The following DHRS12 variants were observed in gnomAD, a reference collection of about 807,000 sequenced individuals.
The protein encoded by DHRS12 is dehydrogenase/reductase 12, also known as dehydrogenase/reductase SDR family member 12.
In DHRS12, 29 loss-of-function variants were observed where a neutral mutation model predicts 32.1. The observed-to-expected ratio is 0.90, with a 90% CI of 0.67 to 1.23. DHRS12 has a LOEUF of 1.23. DHRS12 is among the 50% of genes most tolerant of loss of function. The pLI, the probability that DHRS12 is intolerant of heterozygous loss-of-function variation, is 0.00. For missense variants in DHRS12, 330 were observed against 337.2 expected (o/e 0.98, Z 0.17); for synonymous variants, 150 against 135.9 (o/e 1.10, Z -0.72).
rs1157206392 is a variant in DHRS12 at position 51,782,229 on chromosome 13, G to C, written c.302-5108C>G. Among the ~76,000 whole-genome samples, 1 of 152,126 alleles carries C rather than the reference G, an allele frequency of 6.6e-6. No homozygotes were observed. Among genetic ancestry groups the C allele is most frequent in the Non-Finnish European group, 1.5e-5 (1 of 68,034 alleles). ...CAGAAGAGAGATCTGGGCTGGAAGG[G>C]GGCCCTTGGGAGCCAGGCACATGAT... On this transcript the variant is annotated intron_variant, in intron 4 of 8. Transcript: ENST00000444610. The surrounding 1 kb of genome is among the most constrained non-coding windows in gnomAD (Gnocchi z 4.2).
intron 1 of DHRS12, among the ~76,000 whole-genome samples, chr13:51,800,206 G>C (rs535039173): frequency 1.3e-5 from 2 of 152,222 alleles, no homozygotes; most frequent in Non-Finnish European, 2.9e-5. Context: ...CACAGCTCTA[G>C]GGAGTGCCAT....
intron 4 of DHRS12, chr13:51,789,539 G>A (rs1312456577): frequency 2.0e-6 from 2 of 985,306 alleles, no homozygotes; most frequent in Non-Finnish European, 2.4e-6. Context: ...CCCACTTGGA[G>A]AGCCACTGGC....
At chr13:51,803,739 G>A (rs1019114201) in intron 1 of DHRS12, 5 of 249,530 alleles carry the variant, frequency 2.0e-5, no homozygotes, top group Admixed American at 1.1e-4. Flanking sequence ...GCGGGGCGCC[G>A]AGGTGCCGCC....
chr13:51,781,732 G>A (rs1269182797), intron 4 of DHRS12, among the ~76,000 whole-genome samples: 1 of 152,204 alleles, frequency 6.6e-6, no homozygotes, highest in African/African-American at 2.4e-5. Flanking sequence ...CTGCAACCGA[G>A]TGAGCATGGT....
intron 1 of DHRS12, 155 bp downstream of exon 1, chr13:51,803,899 G>A (rs1427074147): frequency 8.0e-6 from 5 of 625,656 alleles, no homozygotes; most frequent in Non-Finnish European, 1.1e-5. Flanking sequence ...GCCGTGGGTC[G>A]CTAGACGGCG....
intron 5 of DHRS12, chr13:51,775,959 ATTCTACAGTATTCT>A (rs1827630240): frequency 1.8e-5 from 2 of 108,616 alleles, no homozygotes; most frequent in African/African-American, 9.3e-5. Flanking sequence ...TCCTACATGT[ATTCTACAGTATTCT>A]CCTACAGTAT....
intron 4 of DHRS12, among the ~76,000 whole-genome samples, chr13:51,789,305 A>C (rs1955150409): frequency 6.6e-6 from 1 of 152,152 alleles, no homozygotes; most frequent in Non-Finnish European, 1.5e-5. Context: ...TCAAAGTTGA[A>C]AGGCCCCTTG....
the DHRS12 span, among the ~76,000 whole-genome samples, chr13:51,758,790 A>C: frequency 6.6e-6 from 1 of 152,132 alleles, no homozygotes; most frequent in Admixed American, 6.5e-5. Flanking sequence ...ACTGAGCTCT[A>C]CCTCCCTGAC....
intron 2 of DHRS12, among the ~76,000 whole-genome samples, chr13:51,795,796 C>A (rs1456426813): frequency 6.6e-6 from 1 of 152,170 alleles, no homozygotes; most frequent in Non-Finnish European, 1.5e-5. Flanking sequence ...CTAGTAACTG[C>A]CATTGGCCAA....
At chr13:51,788,846 C>G (rs1359905449) in intron 4 of DHRS12, among the ~76,000 whole-genome samples, 1 of 151,642 alleles carries the variant, frequency 6.6e-6, no homozygotes, top group Non-Finnish European at 1.5e-5. Context: ...GGCAACAGAA[C>G]AAGATCCTGT....
At chr13:51,793,305 C>T (rs1332421210) in intron 2 of DHRS12, among the ~76,000 whole-genome samples, 5 of 152,174 alleles carry the variant, frequency 3.3e-5, no homozygotes, top group Admixed American at 6.5e-5. Flanking sequence ...TTATCACTAA[C>T]CCAAGGCAGA....
intron 4 of DHRS12, chr13:51,789,643 T>G: frequency 1.0e-6 from 1 of 985,454 alleles, no homozygotes; most frequent in Non-Finnish European, 1.2e-6. Flanking sequence ...TCCATCTTCT[T>G]GCCCACTGGT....
At chr13:51,758,001 C>T in the DHRS12 span, among the ~76,000 whole-genome samples, 2 of 150,740 alleles carry the variant, frequency 1.3e-5, no homozygotes, top group African/African-American at 4.9e-5. Flanking sequence ...ATTTTAAAGA[C>T]TATAAGATTT....
intron 8 of DHRS12, 99 bp downstream of exon 8, chr13:51,769,057 T>G (rs1210691288): frequency 1.3e-6 from 2 of 1,530,960 alleles, no homozygotes; most frequent in Non-Finnish European, 1.8e-6. Context: ...CAGGGGACAG[T>G]CCCACCCCAG....
intron 4 of DHRS12, among the ~76,000 whole-genome samples, chr13:51,780,703 A>G (rs560677546): frequency 6.6e-6 from 1 of 152,252 alleles, no homozygotes; most frequent in African/African-American, 2.4e-5. Context: ...GAGAGGTAAA[A>G]CTGTGTGGAG....
chr13:51,779,187 A>T (rs1033345687), intron 4 of DHRS12, among the ~76,000 whole-genome samples: 4 of 152,146 alleles, frequency 2.6e-5, no homozygotes, highest in Non-Finnish European at 4.4e-5. Flanking sequence ...ACACAGATCC[A>T]AACAGGCCTG....
chr13:51,773,943 T>G lies in DHRS12; in HGVS notation c.455A>C (p.Tyr152Ser). The G allele has an allele frequency of 6.2e-7, 1 of 1,614,020 alleles. No individual in the cohort carries two copies. The highest frequency in any genetic ancestry group is 8.5e-7 in the Non-Finnish European group (1 of 1,179,878). Residue 152 changes from tyrosine (Y) to serine (S), a missense_variant, in exon 6 of 9, where the codon TAT (tyrosine) becomes TCT (serine). Transcript: ENST00000444610. The stretch of plus-strand genomic sequence containing the variant: ...CACCTCACTGACCTTGTTTTGTGCA[T>G]AGACCATAGTTCCATCAAATGGTGT... Reference protein sequence around the residue: ...ERTPFDGTMVYAQNKRQQVVL... With the variant: ...ERTPFDGTMVSAQNKRQQVVL...
intron 7 of DHRS12, among the ~76,000 whole-genome samples, chr13:51,770,170 A>G (rs948455746): frequency 1.8e-4 from 28 of 152,218 alleles, no homozygotes; most frequent in African/African-American, 6.8e-4. Flanking sequence ...TTCTTTTCAC[A>G]GAAGCAATAC....
At chr13:51,774,431 C>T (rs1428139339) in intron 5 of DHRS12, 1 of 108,948 alleles carries the variant, frequency 9.2e-6, no homozygotes, top group Non-Finnish European at 1.7e-5. Context: ...ACAGTATTCT[C>T]CTACATGTAT....
Sources: allele counts gnomAD v4.1 joint callset (sites outside exome capture counted in the v4.1 genomes callset), GRCh38; gene constraint gnomAD v4.1.1; non-coding constraint Gnocchi (gnomAD v3.1); transcripts MANE v1.5; gene names NCBI Gene and HGNC (gene_info 2026-07-23, HGNC 2026-07-21).